SDK1: variants seen among roughly 807,000 people sequenced by gnomAD.
SDK1 encodes sidekick cell adhesion molecule 1.
In SDK1, 157 loss-of-function variants were observed where a neutral mutation model predicts 245.5. The observed-to-expected ratio is 0.64, with a 90% confidence interval of 0.56 to 0.73. The LOEUF (loss-of-function observed/expected upper bound fraction) is 0.73, where lower values mean the gene tolerates loss of function less well. Among genes scored for constraint, SDK1 ranks in the 30% least tolerant of loss-of-function variants. SDK1 has a pLI of 0.00. For synonymous variants in SDK1, 1,647 were observed against 1,278.5 expected, an observed-to-expected ratio of 1.29 and a Z score of -6.15; for missense variants, 3,583 against 3,002.3, an observed-to-expected ratio of 1.19 and a Z score of -4.52.
At chr7:4,225,978 G>A (rs993167425) in intron 40 of SDK1, among the ~76,000 whole-genome samples, 2 of 152,120 alleles carry the variant, frequency 1.3e-5, no homozygotes, top group African/African-American at 2.4e-5. Context: ...AAGTTGAGAC[G>A]CCCCCTCCCT....
chr7:3,903,186 C>T (rs1296230993), intron 5 of SDK1, among the ~76,000 whole-genome samples: 37 of 150,522 alleles, frequency 2.5e-4, no homozygotes. Context: ...CTCCGTCGCT[C>T]AGGCTAGAGT....
At chr7:3,447,104 A>T (rs1780363763) in intron 1 of SDK1, among the ~76,000 whole-genome samples, 1 of 152,212 alleles carries the variant, frequency 6.6e-6, no homozygotes, top group Non-Finnish European at 1.5e-5. Context: ...ATGCAGTAGA[A>T]TACATCTCAT....
intron 1 of SDK1, among the ~76,000 whole-genome samples, chr7:3,530,511 G>C (rs1267759168): frequency 1.3e-5 from 2 of 152,144 alleles, no homozygotes; most frequent in Non-Finnish European, 2.9e-5. Flanking sequence ...AATGTAAGGA[G>C]TTGATAGAAC....
At chr7:4,171,725 C>G (rs1447666345) in intron 32 of SDK1, among the ~76,000 whole-genome samples, 1 of 152,206 alleles carries the variant, frequency 6.6e-6, no homozygotes, top group Non-Finnish European at 1.5e-5. Flanking sequence ...GATAATAGCC[C>G]AACTCCACCG....
At chr7:3,434,902 T>G (rs1779974597) in intron 1 of SDK1, among the ~76,000 whole-genome samples, 2 of 152,194 alleles carry the variant, frequency 1.3e-5, no homozygotes, top group South Asian at 4.1e-4. Context: ...TTCATCGCAG[T>G]GTTTATTTCA....
intron 13 of SDK1, among the ~76,000 whole-genome samples, chr7:3,977,975 G>A (rs964335617): frequency 2.0e-5 from 3 of 152,118 alleles, no homozygotes; most frequent in Non-Finnish European, 4.4e-5. Flanking sequence ...CCCACCATGG[G>A]TATACAAGTA....
At chr7:4,086,530 A>C (rs1781439319) in intron 22 of SDK1, among the ~76,000 whole-genome samples, 1 of 152,080 alleles carries the variant, frequency 6.6e-6, no homozygotes, top group Non-Finnish European at 1.5e-5. Context: ...CAGCTCCTGG[A>C]GGTCACCACG....
chr7:3,683,191 A>G (rs1784163354), intron 4 of SDK1, among the ~76,000 whole-genome samples: 1 of 152,110 alleles, frequency 6.6e-6, no homozygotes, highest in Non-Finnish European at 1.5e-5. Flanking sequence ...TGTCTTTTCC[A>G]CAGGTAAGCT....
At chr7:3,818,520 A>G (rs1190802489) in intron 4 of SDK1, among the ~76,000 whole-genome samples, 1 of 152,254 alleles carries the variant, frequency 6.6e-6, no homozygotes, top group African/African-American at 2.4e-5. Flanking sequence ...GTGTACACAC[A>G]TATGTAGAAA....
intron 22 of SDK1, among the ~76,000 whole-genome samples, chr7:4,092,104 G>T (rs1251745837): frequency 6.6e-6 from 1 of 152,212 alleles, no homozygotes; most frequent in Non-Finnish European, 1.5e-5. Flanking sequence ...AGGCTTTAGG[G>T]AAGTCTTTTA....
intron 4 of SDK1, among the ~76,000 whole-genome samples, chr7:3,818,047 C>T (rs886475474): frequency 3.3e-5 from 5 of 152,244 alleles, no homozygotes; most frequent in Admixed American, 6.5e-5. Context: ...TCCCGAGCGG[C>T]AGCTCATCTC....
intron 4 of SDK1, among the ~76,000 whole-genome samples, chr7:3,690,388 A>G (rs1325605677): frequency 6.6e-6 from 1 of 152,140 alleles, no homozygotes; most frequent in African/African-American, 2.4e-5. Flanking sequence ...AAGTATAATA[A>G]TTTACTTGAG....
At chr7:3,327,922 T>C (rs1304089507) in intron 1 of SDK1, among the ~76,000 whole-genome samples, 1 of 152,170 alleles carries the variant, frequency 6.6e-6, no homozygotes, top group Non-Finnish European at 1.5e-5. Flanking sequence ...CTGTCGTATG[T>C]TGAATTATAT....
At chr7:3,683,210 G>A (rs1208654050) in intron 4 of SDK1, among the ~76,000 whole-genome samples, 3 of 152,260 alleles carry the variant, frequency 2.0e-5, no homozygotes, top group Non-Finnish European at 2.9e-5. Context: ...CTACATGAGT[G>A]TATAGCTTTG....
intron 22 of SDK1, among the ~76,000 whole-genome samples, chr7:4,094,248 G>C (rs1381861374): frequency 1.3e-5 from 2 of 152,190 alleles, no homozygotes; most frequent in Non-Finnish European, 2.9e-5. Flanking sequence ...TTGTAGTAGA[G>C]AGGGGGTTTT....
intron 1 of SDK1, among the ~76,000 whole-genome samples, chr7:3,542,811 G>C (rs1353107293): frequency 6.6e-6 from 1 of 152,140 alleles, no homozygotes; most frequent in East Asian, 1.9e-4. Flanking sequence ...TTCAAGTGTA[G>C]AGAGAGAAAT....
intron 30 of SDK1, among the ~76,000 whole-genome samples, chr7:4,150,278 C>T (rs1043271606): frequency 6.6e-6 from 1 of 152,180 alleles, no homozygotes; most frequent in Admixed American, 6.5e-5. Context: ...TTGTGCTTCT[C>T]ATTGGCCCAG....
At chr7:4,077,329 G>T (rs1780751348) in intron 21 of SDK1, 140 bp downstream of exon 21, 1 of 779,852 alleles carries the variant, frequency 1.3e-6, no homozygotes, top group Admixed American at 2.3e-5. Flanking sequence ...GATGCTGGAG[G>T]GTAAATGGGT....
intron 1 of SDK1, chr7:3,338,652 G>C: frequency 5.0e-6 from 1 of 198,208 alleles, no homozygotes; most frequent in Non-Finnish European, 1.0e-5. Flanking sequence ...ACCAAAACAA[G>C]AAAATACTCT....
Sources: gnomAD v4.1 joint callset for allele counts (sites outside exome capture counted in the v4.1 genomes callset) on GRCh38, gnomAD v4.1.1 for gene constraint, MANE v1.5 for transcripts, NCBI Gene and HGNC (gene_info 2026-07-23, HGNC 2026-07-21) for gene names.